Variants in ENOX1 observed in about 807,000 individuals in gnomAD.
ENOX1 encodes candidate growth-related and time keeping constitutive hydroquinone (NADH) oxidase.
In ENOX1, 42 loss-of-function variants were observed where a neutral mutation model predicts 82.5. The observed-to-expected ratio is 0.51, with a 90% confidence interval of 0.40 to 0.66. The LOEUF (loss-of-function observed/expected upper bound fraction) is 0.66, where lower values mean the gene tolerates loss of function less well. Among genes scored for constraint, ENOX1 ranks in the 30% least tolerant of loss-of-function variants. The pLI is 0.00. For missense variants in ENOX1, 608 were observed against 811.6 expected, an observed-to-expected ratio of 0.75 and a Z score of 3.05; for synonymous variants, 271 against 282.2, an observed-to-expected ratio of 0.96 and a Z score of 0.40.
At chr13:43,419,107 T>C (rs1218373658) in intron 3 of ENOX1, among the ~76,000 whole-genome samples, 1 of 152,102 alleles carries the variant, frequency 6.6e-6, no homozygotes, top group African/African-American at 2.4e-5. Context: ...GAACAATTTC[T>C]ATAGGTATCA....
At chr13:43,502,102 A>G (rs1037581370) in intron 2 of ENOX1, among the ~76,000 whole-genome samples, 3 of 151,686 alleles carry the variant, frequency 2.0e-5, no homozygotes, top group Admixed American at 1.3e-4. Flanking sequence ...GACAATATAT[A>G]CGAACACATT....
chr13:43,248,324 G>T (rs2043257365), intron 14 of ENOX1, among the ~76,000 whole-genome samples: 1 of 152,034 alleles, frequency 6.6e-6, no homozygotes. Flanking sequence ...AGTACCCTGG[G>T]CCTGGAGTCA....
intron 2 of ENOX1, among the ~76,000 whole-genome samples, chr13:43,596,832 TA>T (rs1365303008): frequency 1.3e-5 from 2 of 152,216 alleles, no homozygotes; most frequent in Admixed American, 6.5e-5. Flanking sequence ...AACCATGTAT[TA>T]AGTGCCTATG....
At chr13:43,721,376 C>CTTTTTTTTT (rs761888585) in intron 1 of ENOX1, among the ~76,000 whole-genome samples, 3 of 107,620 alleles carry the variant, frequency 2.8e-5, no homozygotes, top group African/African-American at 7.5e-5. Context: ...TATTTTATAT[C>CTTTTTTTTT]TTTTTTTTTT....
chr13:43,235,389 A>G (rs1290032579), intron 15 of ENOX1, among the ~76,000 whole-genome samples: 1 of 152,176 alleles, frequency 6.6e-6, no homozygotes, highest in Admixed American at 6.5e-5. Flanking sequence ...CAGCTTCTCT[A>G]GGTCCTGTTG....
chr13:43,645,485 G>A (rs1287403346), intron 2 of ENOX1, among the ~76,000 whole-genome samples: 3 of 152,038 alleles, frequency 2.0e-5, no homozygotes, highest in Non-Finnish European at 4.4e-5. Flanking sequence ...AGATTCAATT[G>A]GCATCATCCA....
chr13:43,752,321 T>A (rs997968909), intron 1 of ENOX1, among the ~76,000 whole-genome samples: 1 of 152,192 alleles, frequency 6.6e-6, no homozygotes, highest in Admixed American at 6.5e-5. Flanking sequence ...TTTCTCCCAA[T>A]CTGTGGTTTA....
At chr13:43,379,558 G>C (rs2051885080) in intron 5 of ENOX1, among the ~76,000 whole-genome samples, 2 of 152,010 alleles carry the variant, frequency 1.3e-5, no homozygotes, top group Admixed American at 6.5e-5. Flanking sequence ...ATTAACAGCA[G>C]ATTTGATGAT....
chr13:43,661,051 T>C (rs1216963955), intron 2 of ENOX1, among the ~76,000 whole-genome samples: 1 of 152,192 alleles, frequency 6.6e-6, no homozygotes, highest in African/African-American at 2.4e-5. Flanking sequence ...AAATGCATTT[T>C]TTCGTGATGT....
intron 2 of ENOX1, among the ~76,000 whole-genome samples, chr13:43,517,309 C>T (rs2153680410): frequency 6.6e-6 from 1 of 152,166 alleles, no homozygotes; most frequent in East Asian, 1.9e-4. Context: ...ACCAGCCTGG[C>T]CAACATGGTG....
At chr13:43,682,344 C>T (rs1382340497) in intron 1 of ENOX1, among the ~76,000 whole-genome samples, 3 of 152,122 alleles carry the variant, frequency 2.0e-5, no homozygotes, top group Non-Finnish European at 4.4e-5. Flanking sequence ...ACATCTGAAT[C>T]TGGGCCACTA....
chr13:43,398,501 T>C (rs2053288558), intron 5 of ENOX1, among the ~76,000 whole-genome samples: 1 of 152,146 alleles, frequency 6.6e-6, no homozygotes, highest in African/African-American at 2.4e-5. Context: ...CTGAAACAGA[T>C]GACCTGCAGC....
chr13:43,631,426 G>A lies in ENOX1; in HGVS notation c.-219+36053C>T, dbSNP rs544227641. Among the ~76,000 whole-genome samples, 136 of 152,262 alleles carry A rather than the reference G, an allele frequency of 8.9e-4. 2 individuals carry two copies. In the South Asian group the frequency reaches 0.024, roughly 27 times the overall value. ...TTATTTCCTGTCAGTGGTGCGGCCA[G>A]GTAAGCCTGGGGCTCTTTCAGCTTG... On this transcript the variant is annotated intron_variant, in intron 2 of 16. Coordinates refer to ENST00000690772, the MANE Select transcript of ENOX1 (RefSeq NM_001347969.2).
At chr13:43,615,844 T>C (rs1470912113) in intron 2 of ENOX1, among the ~76,000 whole-genome samples, 1 of 151,838 alleles carries the variant, frequency 6.6e-6, no homozygotes, top group Non-Finnish European at 1.5e-5. Flanking sequence ...CATGCGGTGT[T>C]CAGTTTTCTG....
chr13:43,442,209 C>T lies in ENOX1; in HGVS notation c.-74-29221G>A, dbSNP rs532492617. On this transcript the variant is annotated intron_variant, in intron 3 of 16. Coordinates refer to ENST00000690772, the MANE Select transcript of ENOX1 (RefSeq NM_001347969.2). ...TCAGCTGCCCATGAAAATGAGAACA[C>T]ATTTTAAAACCTGCATTTGAATTTT... Among the ~76,000 whole-genome samples the T allele has an allele frequency of 2.0e-5, 3 of 152,230 alleles. 1 individual carries two copies. Among genetic ancestry groups the T allele is most frequent in the South Asian group, 2.1e-4 (1 of 4,822 alleles).
chr13:43,310,022 T>C (rs2047100773), intron 11 of ENOX1, among the ~76,000 whole-genome samples: 1 of 151,994 alleles, frequency 6.6e-6, no homozygotes, highest in Non-Finnish European at 1.5e-5. Context: ...GCTAATACAG[T>C]GAGACCCCGT....
intron 8 of ENOX1, among the ~76,000 whole-genome samples, chr13:43,355,335 C>T (rs1003258888): frequency 3.3e-5 from 5 of 152,216 alleles, no homozygotes; most frequent in African/African-American, 1.2e-4. Context: ...ATACTCTCTT[C>T]TCTTGCTAGT....
intron 2 of ENOX1, among the ~76,000 whole-genome samples, chr13:43,495,256 A>G (rs535073325): frequency 1.3e-5 from 2 of 152,280 alleles, no homozygotes; most frequent in East Asian, 1.9e-4. Flanking sequence ...TTTGATAAAT[A>G]TACCTTCCCA....
chr13:43,715,992 A>G (rs527977963), intron 1 of ENOX1, among the ~76,000 whole-genome samples: 82 of 152,148 alleles, frequency 5.4e-4, no homozygotes, highest in Admixed American at 5.4e-3. Context: ...CTTCTTTGCC[A>G]TTGGTTTGAA....
Sources: allele counts gnomAD v4.1 joint callset (sites outside exome capture counted in the v4.1 genomes callset), GRCh38; gene constraint gnomAD v4.1.1; transcripts MANE v1.5; gene names NCBI Gene and HGNC (gene_info 2026-07-23, HGNC 2026-07-21).